GNPNAT1: variants seen among roughly 807,000 people sequenced by gnomAD.
The protein encoded by GNPNAT1 is glucosamine 6-phosphate N-acetyltransferase.
GNPNAT1 carries 11 observed loss-of-function variants against 19.8 expected under a neutral mutation model. The ratio of observed to expected loss-of-function variants is 0.56; its 90% CI spans 0.35 to 0.92. The LOEUF is 0.92. Ranked by LOEUF, GNPNAT1 falls within the 40% of genes least tolerant of loss-of-function variation. GNPNAT1 has a pLI of 0.01. For synonymous variants in GNPNAT1, 71 were observed against 72.3 expected (o/e 0.98, Z 0.09); for missense variants, 157 against 211.0 (o/e 0.74, Z 1.59).
At chr14:52,783,165 C>T (rs1016547031) in intron 3 of GNPNAT1, among the ~76,000 whole-genome samples, 1 of 151,952 alleles carries the variant, frequency 6.6e-6, no homozygotes, top group African/African-American at 2.4e-5. Context: ...AACGAAAAAC[C>T]TCTAGAGCTA....
chr14:52,785,583 C>T (rs906627761), intron 1 of GNPNAT1, among the ~76,000 whole-genome samples: 6 of 150,690 alleles, frequency 4.0e-5, no homozygotes, highest in East Asian at 2.1e-4. Flanking sequence ...ATTAGTCGGG[C>T]GTGGTGGCGC....
At chr14:52,782,915 C>T (rs2139965838) in intron 3 of GNPNAT1, among the ~76,000 whole-genome samples, 1 of 152,022 alleles carries the variant, frequency 6.6e-6, no homozygotes, top group Admixed American at 6.6e-5. Flanking sequence ...TATTCCTCAC[C>T]GTAGCAATAA....
At chr14:52,789,966 T>A (rs1425919875) in intron 1 of GNPNAT1, among the ~76,000 whole-genome samples, 1 of 141,744 alleles carries the variant, frequency 7.1e-6, no homozygotes, top group South Asian at 2.3e-4. Flanking sequence ...GTAGGTCACA[T>A]TTCAGAAAAT....
chr14:52,788,991 T>A (rs535537412), intron 1 of GNPNAT1, among the ~76,000 whole-genome samples: 1 of 152,338 alleles, frequency 6.6e-6, no homozygotes, highest in African/African-American at 2.4e-5. Context: ...AAACTTTCTA[T>A]ATGTTAACTC....
intron 5 of GNPNAT1, among the ~76,000 whole-genome samples, chr14:52,779,132 C>T (rs1254601384): frequency 2.0e-5 from 3 of 152,018 alleles, no homozygotes; most frequent in Non-Finnish European, 4.4e-5. Flanking sequence ...TAAACAACTT[C>T]GGAGCAGTCG....
At chr14:52,790,878 C>G (rs1006479772) in intron 1 of GNPNAT1, among the ~76,000 whole-genome samples, 2 of 152,150 alleles carry the variant, frequency 1.3e-5, no homozygotes, top group African/African-American at 4.8e-5. Flanking sequence ...CAGTACAGTA[C>G]TCGGTATTTC....
At chr14:52,789,384 T>C (rs1883098279) in intron 1 of GNPNAT1, among the ~76,000 whole-genome samples, 1 of 152,220 alleles carries the variant, frequency 6.6e-6, no homozygotes, top group South Asian at 2.1e-4. Context: ...AATTAAGTCA[T>C]AAGCAGCACT....
At chr14:52,784,757 G>T in intron 1 of GNPNAT1, 93 bp from the exon 2 acceptor site, 1 of 536,378 alleles carries the variant, frequency 1.9e-6, no homozygotes, top group South Asian at 3.3e-5. Context: ...GCAATTAGAA[G>T]CATTCTTTAG....
intron 5 of GNPNAT1, 150 bp from the exon 6 acceptor site, chr14:52,778,608 T>TAAGCATTTAAATCACCA: frequency 1.5e-6 from 1 of 652,176 alleles, no homozygotes; most frequent in Non-Finnish European, 2.6e-6. Flanking sequence ...TGTAAGTTGA[T>TAAGCATTTAAATCACCA]AAGCATTTAA....
At chr14:52,785,061 GA>G (rs1353885230) in intron 1 of GNPNAT1, among the ~76,000 whole-genome samples, 14 of 151,772 alleles carry the variant, frequency 9.2e-5, no homozygotes, top group African/African-American at 3.4e-4. Context: ...GAGTATCTGG[GA>G]TTATAGGCAC....
chr14:52,781,933 G>C (rs1882903093), intron 3 of GNPNAT1, 22 bp from the exon 4 acceptor site: 1 of 1,584,470 alleles, frequency 6.3e-7, no homozygotes, highest in South Asian at 1.2e-5. Context: ...GGATAACAAA[G>C]TGTTACATAG....
intron 1 of GNPNAT1, among the ~76,000 whole-genome samples, chr14:52,789,299 T>G (rs974557940): frequency 6.6e-6 from 1 of 152,232 alleles, no homozygotes; most frequent in African/African-American, 2.4e-5. Context: ...GACTTCAGAC[T>G]CTGCTCTTAA....
chr14:52,781,890 T>G lies in GNPNAT1; in HGVS notation c.239A>C (p.Lys80Thr). 1 of 1,608,218 alleles carries G rather than the reference T, an allele frequency of 6.2e-7. No homozygotes were observed. The highest frequency in any genetic ancestry group is 1.3e-5 in the African/African-American group (1 of 74,782). Reference protein sequence around the residue: ...QFMKSFEHMKKSGDYYVTVVE... With the variant: ...QFMKSFEHMKTSGDYYVTVVE... ...AACTGTAACATAATAATCCCCAGAT[T>G]TCTTCATATGCTCAAAAGATTCTGT... The change falls in exon 4 of 6, where the codon AAA (lysine) becomes ACA (threonine). Residue 80 changes from lysine (K) to threonine (T), a missense_variant. Transcript: ENST00000216410.
chr14:52,784,806 C>T (rs1430260063), intron 1 of GNPNAT1, 142 bp from the exon 2 acceptor site: 1 of 406,218 alleles, frequency 2.5e-6, no homozygotes, highest in African/African-American at 2.1e-5. Flanking sequence ...CAGCCTGAAT[C>T]TAACATTAAA....
At chr14:52,780,424 G>A (rs949271253) in intron 5 of GNPNAT1, among the ~76,000 whole-genome samples, 5 of 152,160 alleles carry the variant, frequency 3.3e-5, no homozygotes, top group African/African-American at 9.6e-5. Flanking sequence ...TCTCCTACTA[G>A]GACGAGAGCA....
intron 4 of GNPNAT1, 121 bp from the exon 5 acceptor site, chr14:52,780,861 C>G: frequency 1.7e-6 from 1 of 604,758 alleles, no homozygotes; most frequent in Non-Finnish European, 2.9e-6. Context: ...TAACAGAAAT[C>G]AAATGCAAAA....
rs567085170 is a variant in GNPNAT1 at position 52,786,857 on chromosome 14, ATTTTTTTTTTTTTTTT to A, written c.-14-2209_-14-2194del. Among the ~76,000 whole-genome samples, 141 of 98,690 alleles carry A rather than the reference ATTTTTTTTTTTTTTTT, an allele frequency of 1.4e-3. 1 individual carries two copies. Among genetic ancestry groups the A allele is most frequent in the African/African-American group, 4.6e-3 (118 of 25,878 alleles). 64.7% of individuals were successfully genotyped at this position (98,690 alleles called of 152,430 possible). On this transcript the variant is annotated intron_variant, in intron 1 of 5. Coordinates refer to ENST00000216410, the MANE Select transcript of GNPNAT1 (RefSeq NM_198066.4). Reference sequence around the variant, plus strand: ...GGACCAGAAATGTTTCAGGTTTTGGATTTTTTTTTTTTTTTTTTTTTTTTTTTTTTTTCAGATTTGG... The same window carrying A: ...GGACCAGAAATGTTTCAGGTTTTGGATTTTTTTTTTTTTTTTCAGATTTGG...
At chr14:52,778,957 G>A (rs1330922417) in intron 5 of GNPNAT1, among the ~76,000 whole-genome samples, 2 of 152,064 alleles carry the variant, frequency 1.3e-5, no homozygotes, top group South Asian at 2.1e-4. Context: ...TCAAGGCTGC[G>A]GTGAGTAGTG....
At chr14:52,784,019 G>T (rs1882954059) in intron 2 of GNPNAT1, among the ~76,000 whole-genome samples, 1 of 152,090 alleles carries the variant, frequency 6.6e-6, no homozygotes, top group Non-Finnish European at 1.5e-5. Flanking sequence ...GCCAAAATTA[G>T]GCCCTTCAGG....
Sources: gnomAD v4.1 joint callset for allele counts (sites outside exome capture counted in the v4.1 genomes callset) on GRCh38, gnomAD v4.1.1 for gene constraint, MANE v1.5 for transcripts, NCBI Gene and HGNC (gene_info 2026-07-23, HGNC 2026-07-21) for gene names.